The following TBC1D5 variants were observed in gnomAD, a reference collection of about 807,000 sequenced individuals.
TBC1D5 encodes TBC1 domain family member 5, also known as TBC1 domain family, member 5.
A neutral mutation model predicts 100.3 loss-of-function variants in TBC1D5; 75 were observed. The observed-to-expected ratio is 0.75, with a 90% CI of 0.62 to 0.91. TBC1D5 has a LOEUF of 0.91. Among genes scored for constraint, TBC1D5 ranks in the 40% least tolerant of loss-of-function variants. The probability of loss-of-function intolerance (pLI) is 0.00; values close to 1 mark genes in which losing one functional copy is unlikely to be tolerated. For synonymous variants in TBC1D5, 323 were observed against 325.6 expected, an observed-to-expected ratio of 0.99 and a Z score of 0.09; for missense variants, 910 against 942.4, an observed-to-expected ratio of 0.97 and a Z score of 0.45.
At chr3:17,557,758 A>C (rs1445263705) in intron 2 of TBC1D5, among the ~76,000 whole-genome samples, 2 of 152,208 alleles carry the variant, frequency 1.3e-5, no homozygotes, top group African/African-American at 4.8e-5. Flanking sequence ...AGCCATAGGT[A>C]AATTTTTTTT....
chr3:17,616,653 T>C (rs1230345639), intron 2 of TBC1D5, among the ~76,000 whole-genome samples: 2 of 152,362 alleles, frequency 1.3e-5, no homozygotes, highest in East Asian at 3.9e-4. Context: ...TGGCCTTCTT[T>C]GTCTCTTTGG....
chr3:17,256,658 TAC>T (rs2077718194), intron 16 of TBC1D5, among the ~76,000 whole-genome samples: 1 of 152,164 alleles, frequency 6.6e-6, no homozygotes, highest in African/African-American at 2.4e-5. Flanking sequence ...GCCTTCCCTA[TAC>T]CAGTCATCAT....
At chr3:17,619,375 A>G (rs993226267) in intron 2 of TBC1D5, among the ~76,000 whole-genome samples, 2 of 152,212 alleles carry the variant, frequency 1.3e-5, no homozygotes, top group Non-Finnish European at 2.9e-5. Context: ...AAAACATACT[A>G]CAAAGCTGCT....
intron 2 of TBC1D5, among the ~76,000 whole-genome samples, chr3:17,560,791 C>A (rs566074289): frequency 6.6e-6 from 1 of 150,890 alleles, no homozygotes; most frequent in African/African-American, 2.4e-5. Context: ...TGTGGTGGCC[C>A]GCGTCTGTAA....
intron 18 of TBC1D5, among the ~76,000 whole-genome samples, chr3:17,202,816 ACCT>A (rs957581416): frequency 6.6e-6 from 1 of 151,988 alleles, no homozygotes; most frequent in African/African-American, 2.4e-5. Flanking sequence ...AGGCTTGGGA[ACCT>A]CCACCTAGAT....
intron 2 of TBC1D5, among the ~76,000 whole-genome samples, chr3:17,588,163 C>T (rs1425580231): frequency 1.3e-5 from 2 of 151,564 alleles, no homozygotes; most frequent in East Asian, 1.9e-4. Context: ...ATTTCTTACA[C>T]TGCCAACATC....
chr3:17,626,217 A>G (rs2063042640), intron 1 of TBC1D5, among the ~76,000 whole-genome samples: 1 of 152,210 alleles, frequency 6.6e-6, no homozygotes, highest in Non-Finnish European at 1.5e-5. Context: ...GATTGTCAAA[A>G]AAAATGACAA....
intron 13 of TBC1D5, chr3:17,337,382 T>C (rs892447738): frequency 2.0e-5 from 3 of 152,174 alleles, no homozygotes; most frequent in Non-Finnish European, 2.9e-5. Flanking sequence ...AAAGAAACTC[T>C]GTTACGTTGT....
chr3:17,680,620 T>C (rs1233010051), intron 1 of TBC1D5, among the ~76,000 whole-genome samples: 1 of 151,404 alleles, frequency 6.6e-6, no homozygotes, highest in Non-Finnish European at 1.5e-5. Flanking sequence ...CTAAGGCATG[T>C]CTTTTATATA....
intron 17 of TBC1D5, among the ~76,000 whole-genome samples, chr3:17,218,647 T>C (rs2073923543): frequency 6.6e-6 from 1 of 152,012 alleles, no homozygotes; most frequent in African/African-American, 2.4e-5. Context: ...TGAATTTCTC[T>C]TTCCTTTTTG....
At chr3:17,727,273 C>T (rs1362609315) in intron 1 of TBC1D5, among the ~76,000 whole-genome samples, 2 of 152,066 alleles carry the variant, frequency 1.3e-5, no homozygotes, top group Non-Finnish European at 2.9e-5. Context: ...CCCAGCTACT[C>T]GAGAGGCTGA....
intron 18 of TBC1D5, among the ~76,000 whole-genome samples, chr3:17,187,000 G>A (rs967775365): frequency 5.3e-5 from 8 of 152,192 alleles, no homozygotes; most frequent in East Asian, 3.9e-4. Flanking sequence ...AGACAAGGAT[G>A]GGGCATTTCA....
At chr3:17,633,673 T>TA (rs1194484333) in intron 1 of TBC1D5, among the ~76,000 whole-genome samples, 20 of 152,312 alleles carry the variant, frequency 1.3e-4, no homozygotes, top group Non-Finnish European at 2.6e-4. Context: ...GAGTGTAGAA[T>TA]AATATACTTT....
At chr3:17,504,383 T>C (rs970083728) in intron 3 of TBC1D5, among the ~76,000 whole-genome samples, 2 of 151,320 alleles carry the variant, frequency 1.3e-5, no homozygotes, top group Admixed American at 1.3e-4. Flanking sequence ...CATGTATACA[T>C]ATGTAACTAA....
At chr3:17,219,144 A>T (rs934816346) in intron 17 of TBC1D5, among the ~76,000 whole-genome samples, 2 of 150,934 alleles carry the variant, frequency 1.3e-5, no homozygotes, top group African/African-American at 4.9e-5. Flanking sequence ...TTCAGTTGAC[A>T]TATATTCCAA....
At chr3:17,616,268 T>C (rs1205158795) in intron 2 of TBC1D5, among the ~76,000 whole-genome samples, 1 of 152,246 alleles carries the variant, frequency 6.6e-6, no homozygotes, top group Non-Finnish European at 1.5e-5. Flanking sequence ...TGTTGTGATT[T>C]ATGTTCTTTT....
chr3:17,519,803 T>C lies in TBC1D5; in HGVS notation c.-35-11198A>G, dbSNP rs182820323. 1.0e-3 allele frequency among the ~76,000 whole-genome samples: 154 copies of C among 152,338 alleles called. 2 individuals are homozygous for C. In the South Asian group the frequency reaches 0.018, roughly 18 times the overall value. On this transcript the variant is annotated intron_variant, in intron 2 of 21. Transcript: ENST00000253692. ...ATGTCGTAGGAATAGATATGGATTATACTATTTGAGATAAAAGATCTGAGT... is the reference window on the plus strand; with the variant it reads ...ATGTCGTAGGAATAGATATGGATTACACTATTTGAGATAAAAGATCTGAGT...
At chr3:17,452,391 A>T (rs926084838) in intron 3 of TBC1D5, among the ~76,000 whole-genome samples, 6 of 152,196 alleles carry the variant, frequency 3.9e-5, no homozygotes, top group African/African-American at 1.4e-4. Flanking sequence ...AAAAACCAAG[A>T]CATGATGAAA....
chr3:17,352,487 A>G (rs1236249126), intron 13 of TBC1D5, among the ~76,000 whole-genome samples: 1 of 151,898 alleles, frequency 6.6e-6, no homozygotes, highest in African/African-American at 2.4e-5. Context: ...ATCCCACACT[A>G]GATTTGTTTT....
Sources: gnomAD v4.1 joint callset for allele counts (sites outside exome capture counted in the v4.1 genomes callset) on GRCh38, gnomAD v4.1.1 for gene constraint, MANE v1.5 for transcripts, NCBI Gene and HGNC (gene_info 2026-07-23, HGNC 2026-07-21) for gene names.